Variants in LRP1 observed in about 807,000 individuals in gnomAD.
LRP1 encodes the protein LDL receptor related protein 1.
In LRP1, 51 loss-of-function variants were observed where a neutral mutation model predicts 541.5. The observed-to-expected ratio is 0.09, with a 90% CI of 0.08 to 0.12. The LOEUF (loss-of-function observed/expected upper bound fraction) is 0.12, where lower values mean the gene tolerates loss of function less well. Ranked by LOEUF, LRP1 falls within the 10% of genes least tolerant of loss-of-function variation. LRP1 has a pLI of 1.00. For missense variants in LRP1, 3,878 were observed against 6,376.2 expected (o/e 0.61, Z 13.34); for synonymous variants, 2,219 against 2,470.8 (o/e 0.90, Z 3.02).
rs769778868 is a variant in LRP1 at position 57,150,189 on chromosome 12, C to CTTTTTTTTTTTTTTTTTTTTTT, written c.842-3999_842-3998insTTTTTTTTTTTTTTTTTTTTTT. 44 of 92,844 alleles carry CTTTTTTTTTTTTTTTTTTTTTT rather than the reference C, an allele frequency of 4.7e-4. 6 individuals are homozygous for CTTTTTTTTTTTTTTTTTTTTTT. Among genetic ancestry groups the CTTTTTTTTTTTTTTTTTTTTTT allele is most frequent in the African/African-American group, 1.8e-3 (35 of 19,498 alleles). The allele number at this position is 92,844 out of a possible 1,614,324, so 5.8% of individuals were successfully genotyped here. ...GAGCCTGTAACAGGAAAACTTCCTT[C>CTTTTTTTTTTTTTTTTTTTTTT]TTTTTTTTTTTTTTTTTTTTGAGAT... On this transcript the variant is annotated intron_variant, in intron 6 of 88. Transcript: ENST00000243077.
At chr12:57,167,359 G>C in intron 18 of LRP1, 85 bp from the exon 19 acceptor site, 2 of 1,004,002 alleles carry the variant, frequency 2.0e-6, no homozygotes, top group Non-Finnish European at 3.2e-6. Context: ...TGCTGGTTAT[G>C]GGAGGGCCGC....
In LRP1 at chr12:57,184,522, GCC is replaced by G. The variant is rs1325279966; in HGVS notation, c.6186+72_6186+73del. ...CCCAGGCTCCTGTTCCCTGTGATGA[GCC>G]CATTCTGGGAGGACTTGGAGCCCAG... is the stretch of plus-strand genomic sequence containing the variant. On this transcript the variant is annotated intron_variant, in intron 38 of 88. Coordinates refer to ENST00000243077, the MANE Select transcript of LRP1 (RefSeq NM_002332.3). This position sits in a 1 kb window ranked among gnomAD's most constrained non-coding sequence, Gnocchi z 7.8. The G allele has an allele frequency of 6.3e-7, 1 of 1,593,924 alleles. No individual in the cohort carries two copies. Among genetic ancestry groups the G allele is most frequent in the Non-Finnish European group, 8.5e-7 (1 of 1,169,848 alleles).
Position 57,154,063 on chromosome 12 carries a change from C to G in LRP1, c.842-145C>G, listed in dbSNP as rs934222581. 2 of 707,814 alleles carry G rather than the reference C, an allele frequency of 2.8e-6. No homozygotes were observed. Among genetic ancestry groups the G allele is most frequent in the Non-Finnish European group, 4.9e-6 (2 of 411,538 alleles). The allele number at this position is 707,814 out of a possible 1,614,324, so 43.8% of individuals were successfully genotyped here. On this transcript the variant is annotated intron_variant, in intron 6 of 88. Transcript: ENST00000243077. This position sits in a 1 kb window ranked among gnomAD's most constrained non-coding sequence, Gnocchi z 4.6. The stretch of plus-strand genomic sequence containing the variant: ...CATTTACGCAAGCCCTCCTGTATAT[C>G]CACTCTGAGCTAAGCATGGGGGTGT...
chr12:57,163,770 G>A (rs1192054509), intron 15 of LRP1, among the ~76,000 whole-genome samples: 1 of 152,132 alleles, frequency 6.6e-6, no homozygotes, highest in Non-Finnish European at 1.5e-5. Context: ...TTTATAAAAT[G>A]TCTTCTGCCC....
At chr12:57,175,781 G>A in intron 23 of LRP1, 76 bp downstream of exon 23, 1 of 1,549,030 alleles carries the variant, frequency 6.5e-7, no homozygotes, top group Non-Finnish European at 8.7e-7. Flanking sequence ...TTGGTGGCCA[G>A]GTGCCAAAGG....
chr12:57,166,983 A>T lies in LRP1; in HGVS notation c.2851A>T (p.Ile951Phe). 1 of 1,613,894 alleles carries T rather than the reference A, an allele frequency of 6.2e-7. No homozygotes were observed. The highest frequency in any genetic ancestry group is 8.5e-7 in the Non-Finnish European group (1 of 1,179,942). The change falls in exon 18 of 89, where the codon ATC (isoleucine) becomes TTC (phenylalanine). Residue 951 changes from isoleucine to phenylalanine, a missense_variant. Physicochemically the swap from Ile to Phe is conservative, Grantham distance 21 (BLOSUM62 0). Coordinates refer to ENST00000243077, the MANE Select transcript of LRP1 (RefSeq NM_002332.3). Reference protein sequence around the residue: ...FSCASGRCIPISWTCDLDDDC... With the variant: ...FSCASGRCIPFSWTCDLDDDC... ...CTGTGCCAGTGGCCGCTGCATCCCCATCTCCTGGACGTGTGATCTGGATGA... is the reference window on the plus strand; with the variant it reads ...CTGTGCCAGTGGCCGCTGCATCCCCTTCTCCTGGACGTGTGATCTGGATGA...
At position 57,192,032 on chromosome 12, in the gene LRP1, AAC is replaced by A. The variant is rs1345198902; in HGVS notation, c.7429+526_7429+527del. ...CACATGCCACACACCTACCACCCAC[AAC>A]ACACATCACACACACACCACACAGC... On this transcript the variant is annotated intron_variant, in intron 44 of 88. Transcript: ENST00000243077. Among the ~76,000 whole-genome samples, 7 of 119,348 alleles carry A rather than the reference AAC, an allele frequency of 5.9e-5. No individual in the cohort carries two copies. In the East Asian group the frequency reaches 1.3e-3, roughly 22 times the overall value. The allele number at this position is 119,348 out of a possible 152,430, so 78.3% of individuals were successfully genotyped here.
At position 57,193,580 on chromosome 12, in the gene LRP1, A is replaced by G; in HGVS notation, c.7699A>G (p.Lys2567Glu). 6.2e-7 allele frequency: 1 copy of G among 1,614,048 alleles called. No individual in the cohort carries two copies. Among genetic ancestry groups the G allele is most frequent in the Admixed American group, 1.7e-5 (1 of 60,006 alleles). The change falls in exon 47 of 89, where the codon AAG (lysine) becomes GAG (glutamate). Residue 2567 changes from lysine (K) to glutamate (E), a missense_variant. Around this residue, in one of 13 missense-constraint regions of LRP1, gnomAD observed 1,100 missense variants for 1,827.4 expected, o/e 0.60. Coordinates refer to ENST00000243077, the MANE Select transcript of LRP1 (RefSeq NM_002332.3). ...TCCATTTGCAGACTCCCGCCGCTGCAAGAAGACTTTCCGGCAGTGCAGCAA... is the reference window on the plus strand; with the variant it reads ...TCCATTTGCAGACTCCCGCCGCTGCGAGAAGACTTTCCGGCAGTGCAGCAA... ...KPSYCNSRRCKKTFRQCSNGR... is the reference protein window; with the variant it reads ...KPSYCNSRRCEKTFRQCSNGR...
intron 51 of LRP1, 23 bp downstream of exon 51, chr12:57,195,124 G>T: frequency 1.2e-6 from 2 of 1,607,188 alleles, no homozygotes; most frequent in South Asian, 2.2e-5. Context: ...GGATTGGGCC[G>T]GGGGAGGTGC....
intron 70 of LRP1, chr12:57,203,883 C>T (rs904289198): frequency 1.6e-5 from 4 of 249,980 alleles, no homozygotes; most frequent in African/African-American, 6.8e-5. Context: ...ATTTTCCCTT[C>T]CTGGGGGCAG....
intron 3 of LRP1, among the ~76,000 whole-genome samples, chr12:57,142,852 C>T (rs970726565): frequency 4.6e-5 from 7 of 152,188 alleles, no homozygotes; most frequent in Non-Finnish European, 1.5e-5. Flanking sequence ...CCTGGCCCCC[C>T]ATCCCAACTC....
At chr12:57,157,568 G>T (rs910796238) in intron 10 of LRP1, among the ~76,000 whole-genome samples, 10 of 152,184 alleles carry the variant, frequency 6.6e-5, no homozygotes, top group Non-Finnish European at 1.5e-4. Context: ...CTGAGATGGC[G>T]CTACCACACT....
intron 1 of LRP1, among the ~76,000 whole-genome samples, chr12:57,133,990 A>T (rs1348870579): frequency 3.3e-5 from 5 of 152,078 alleles, no homozygotes; most frequent in African/African-American, 1.2e-4. Flanking sequence ...AAGGTCCCAG[A>T]ATGGGACACA....
chr12:57,200,560 G>A (rs1203285083), intron 63 of LRP1, 25 bp downstream of exon 63: 3 of 1,599,510 alleles, frequency 1.9e-6, no homozygotes, highest in Non-Finnish European at 2.6e-6. Context: ...GGGGTGACAG[G>A]AGGGCCCCCA....
rs1479960672 is a variant in LRP1 at position 57,162,647 on chromosome 12, A to C, written c.2404+129A>C. ...TAGGCTCTGACTTTTGAGGATCCTG[A>C]GAAGAGAACTCCCCCAACACAATCT... On this transcript the variant is annotated intron_variant, in intron 14 of 88. Transcript: ENST00000243077. The surrounding 1 kb of genome is among the most constrained non-coding windows in gnomAD (Gnocchi z 5.2). 7 of 1,155,582 alleles carry C rather than the reference A, an allele frequency of 6.1e-6. No individual in the cohort carries two copies. The Admixed American group carries it at 1.5e-4, about 24-fold the overall frequency. The allele number at this position is 1,155,582 out of a possible 1,614,324, so 71.6% of individuals were successfully genotyped here. A position where few individuals can be genotyped will look rare whatever the true frequency, so the allele number is the denominator to read the frequency against.
In LRP1 at chr12:57,209,719, T is replaced by C. The variant is rs1301128371; in HGVS notation, c.12290T>C (p.Val4097Ala). 6.2e-7 allele frequency: 1 copy of C among 1,614,120 alleles called. No homozygotes were observed. The part of the protein sequence containing the change: ...RGLSHPFSID[V>A]FEDYIYGVTY... ...CTAAGTCACCCCTTCAGCATCGACG[T>C]CTTTGAGGATTACATCTATGGTGTC... Residue 4097 changes from valine (V) to alanine (A), a missense_variant, in exon 80 of 89, where the codon GTC becomes GCC. This residue lies in a region of LRP1 where 871 missense variants were observed against 1,212.4 expected (regional missense o/e 0.72). Transcript: ENST00000243077.
In LRP1 at chr12:57,197,060, C is replaced by T; in HGVS notation, c.8971C>T (p.Pro2991Ser). The change falls in exon 56 of 89, where the codon CCC becomes TCC. Residue 2991 changes from proline to serine, a missense_variant. This residue lies in a region of LRP1 where 1,100 missense variants were observed against 1,827.4 expected (regional missense o/e 0.60). Transcript: ENST00000243077. The surrounding 1 kb of genome is among the most constrained non-coding windows in gnomAD (Gnocchi z 4.5). ...TGTGGACGAGTGCAGCACCACCTTC[C>T]CCTGCAGCCAGCGCTGCATCAACAC... ...ADVDECSTTF[P>S]CSQRCINTHG... The T allele has an allele frequency of 6.2e-7, 1 of 1,614,106 alleles. No homozygotes were observed. The highest frequency in any genetic ancestry group is 1.1e-5 in the South Asian group (1 of 91,086).
At position 57,158,529 on chromosome 12, in the gene LRP1, C is replaced by G. The variant is rs1311558019; in HGVS notation, c.1689C>G (p.Ala563=). The G allele has an allele frequency of 1.2e-6, 2 of 1,614,208 alleles. No individual in the cohort carries two copies. ...TTGAAAACCTCATGAACCCCCGAGC[C>G]CTGGACTTCCACGCTGAGACCGGCT... ...IPIENLMNPR[A]LDFHAETGFI... Residue 563 remains alanine, a synonymous_variant, in exon 11 of 89, where the codon GCC becomes GCG. Transcript: ENST00000243077. This position sits in a 1 kb window ranked among gnomAD's most constrained non-coding sequence, Gnocchi z 5.3.
chr12:57,205,418 C>G lies in LRP1; in HGVS notation c.11403C>G (p.Thr3801=), dbSNP rs757159261. 1.2e-6 allele frequency: 2 copies of G among 1,609,128 alleles called. No homozygotes were observed. Among genetic ancestry groups the G allele is most frequent in the South Asian group, 2.2e-5 (2 of 91,036 alleles). Residue 3801 remains threonine, a synonymous_variant, in exon 74 of 89, where the codon ACC becomes ACG. Coordinates refer to ENST00000243077, the MANE Select transcript of LRP1 (RefSeq NM_002332.3). The surrounding 1 kb of genome is among the most constrained non-coding windows in gnomAD (Gnocchi z 4.6). ...GGGACGAGGCACGCTGCGTGCGCACCGAGAAAGCGGCCTACTGTGCCTGCC... is the reference window on the plus strand; with the variant it reads ...GGGACGAGGCACGCTGCGTGCGCACGGAGAAAGCGGCCTACTGTGCCTGCC... ...ICGDEARCVR[T]EKAAYCACRS...
Sources: allele counts gnomAD v4.1 joint callset (sites outside exome capture counted in the v4.1 genomes callset), GRCh38; gene constraint gnomAD v4.1.1; regional missense constraint gnomAD v4.1.1; non-coding constraint Gnocchi (gnomAD v3.1); transcripts MANE v1.5; gene names NCBI Gene and HGNC (gene_info 2026-07-23, HGNC 2026-07-21).